TCF4: variants seen among roughly 807,000 people sequenced by gnomAD.
TCF4 encodes the protein transcription factor 4, also known as SL3-3 enhancer factor 2.
TCF4 carries 3 observed loss-of-function variants against 82.1 expected under a neutral mutation model. The observed-to-expected ratio is 0.04, with a 90% CI of 0.02 to 0.09. The LOEUF is 0.09. TCF4 is among the 10% of genes least tolerant of loss of function. TCF4 has a pLI of 1.00. For synonymous variants in TCF4, 276 were observed against 309.6 expected (o/e 0.89, Z 1.14); for missense variants, 518 against 852.7 (o/e 0.61, Z 4.89).
At chr18:55,444,168 C>G (rs1044131594) in intron 5 of TCF4, among the ~76,000 whole-genome samples, 5 of 152,094 alleles carry the variant, frequency 3.3e-5, no homozygotes, top group Non-Finnish European at 7.3e-5. Flanking sequence ...GTATTAAGTC[C>G]CATTCTACAC....
intron 5 of TCF4, among the ~76,000 whole-genome samples, chr18:55,448,005 T>TGG (rs201980586): frequency 1.2e-5 from 1 of 83,118 alleles, no homozygotes; most frequent in Non-Finnish European, 2.4e-5. Context: ...GGGGATGATA[T>TGG]GGGGGGGGAG....
chr18:55,607,636 C>T (rs976143305), intron 2 of TCF4, among the ~76,000 whole-genome samples: 6 of 152,152 alleles, frequency 3.9e-5, no homozygotes, highest in African/African-American at 7.2e-5. Flanking sequence ...ACTGTTCACA[C>T]GTTCCATTTT....
intron 8 of TCF4, chr18:55,320,927 G>T (rs931833773): frequency 6.6e-6 from 1 of 152,448 alleles, no homozygotes; most frequent in Admixed American, 6.6e-5. Flanking sequence ...TTCTGCTGGG[G>T]TTATGCACAA....
At chr18:55,368,839 T>C (rs2145493123) in intron 6 of TCF4, among the ~76,000 whole-genome samples, 1 of 152,320 alleles carries the variant, frequency 6.6e-6, no homozygotes, top group East Asian at 1.9e-4. Context: ...GATTCAAACA[T>C]GCCAGCTGTA....
chr18:55,323,478 A>T (rs750421002), intron 8 of TCF4, among the ~76,000 whole-genome samples: 16 of 152,154 alleles, frequency 1.1e-4, no homozygotes, highest in Admixed American at 5.9e-4. Context: ...CACACCGCAC[A>T]TCCACACACA....
intron 6 of TCF4, among the ~76,000 whole-genome samples, chr18:55,364,881 C>T (rs1031432488): frequency 9.2e-5 from 14 of 152,048 alleles, no homozygotes; most frequent in Middle Eastern, 6.8e-3. Flanking sequence ...TATATAAGGG[C>T]TGGGCATGGT....
chr18:55,533,213 C>T (rs768831364), intron 3 of TCF4, among the ~76,000 whole-genome samples: 1 of 152,162 alleles, frequency 6.6e-6, no homozygotes, highest in Non-Finnish European at 1.5e-5. Context: ...AAACCAGCCT[C>T]CCAGGGAGCG....
intron 6 of TCF4, among the ~76,000 whole-genome samples, chr18:55,398,623 G>A (rs1321385881): frequency 6.6e-6 from 1 of 152,154 alleles, no homozygotes; most frequent in Non-Finnish European, 1.5e-5. Flanking sequence ...ACTTTTTTGG[G>A]AGAGTGCAGT....
At chr18:55,293,133 C>T (rs897971079) in intron 8 of TCF4, among the ~76,000 whole-genome samples, 2 of 151,844 alleles carry the variant, frequency 1.3e-5, no homozygotes, top group Non-Finnish European at 2.9e-5. Flanking sequence ...GTGACTTTCA[C>T]CTCAATTAAA....
chr18:55,628,422 TA>T (rs1398062839), intron 2 of TCF4, among the ~76,000 whole-genome samples: 1 of 152,174 alleles, frequency 6.6e-6, no homozygotes, highest in Non-Finnish European at 1.5e-5. Context: ...TAATTCTTTT[TA>T]AAAAAACTTT....
chr18:55,306,271 C>A (rs1054839970), intron 8 of TCF4, among the ~76,000 whole-genome samples: 1 of 151,998 alleles, frequency 6.6e-6, no homozygotes, highest in African/African-American at 2.4e-5. Flanking sequence ...ATTTAGCATG[C>A]CTTTGAATTG....
chr18:55,443,434 C>A (rs970007516), intron 5 of TCF4, among the ~76,000 whole-genome samples: 5 of 152,204 alleles, frequency 3.3e-5, no homozygotes, highest in Non-Finnish European at 7.3e-5. Context: ...TTTCACATAA[C>A]CTTCAGCACC....
intron 11 of TCF4, chr18:55,267,732 C>T (rs576177507): frequency 3.3e-5 from 5 of 152,164 alleles, no homozygotes; most frequent in African/African-American, 1.2e-4. Context: ...TCTCATTCCG[C>T]TAGTGGATTT....
intron 6 of TCF4, among the ~76,000 whole-genome samples, chr18:55,376,579 G>A (rs951054210): frequency 1.3e-5 from 2 of 152,108 alleles, no homozygotes. Context: ...CAAAGAGGAG[G>A]TGCCATTTCT....
chr18:55,280,101 G>C (rs755887486), intron 8 of TCF4, among the ~76,000 whole-genome samples: 4 of 152,130 alleles, frequency 2.6e-5, no homozygotes, highest in Non-Finnish European at 5.9e-5. Flanking sequence ...TTACAGAGAG[G>C]AGGTAGGGAG....
intron 6 of TCF4, chr18:55,401,209 T>C (rs1215084844): frequency 3.3e-6 from 4 of 1,206,524 alleles, no homozygotes; most frequent in Non-Finnish European, 2.1e-6. Flanking sequence ...CAGAAATTCA[T>C]ACTCTGTACA....
At position 55,534,027 on chromosome 18, in the gene TCF4, T is replaced by C. The variant is rs118047188; in HGVS notation, c.145+51253A>G. On this transcript the variant is annotated intron_variant, in intron 3 of 19. Coordinates refer to ENST00000354452, the MANE Select transcript of TCF4 (RefSeq NM_001083962.2). ...ATATTTGCATATACATGAGGCAACTTTGGGGTGAGAACCAAGTTTCAACAT... is the reference window on the plus strand; with the variant it reads ...ATATTTGCATATACATGAGGCAACTCTGGGGTGAGAACCAAGTTTCAACAT... 9.8e-5 allele frequency among the ~76,000 whole-genome samples: 15 copies of C among 152,342 alleles called. No homozygotes were observed. In the East Asian group the frequency reaches 2.5e-3, roughly 26 times the overall value.
intron 3 of TCF4, among the ~76,000 whole-genome samples, chr18:55,512,546 G>C (rs1190608752): frequency 6.6e-6 from 1 of 152,094 alleles, no homozygotes; most frequent in Non-Finnish European, 1.5e-5. Flanking sequence ...ATATATGTGT[G>C]TATGTGCATA....
At chr18:55,568,375 A>G (rs919278345) in intron 3 of TCF4, among the ~76,000 whole-genome samples, 1 of 151,780 alleles carries the variant, frequency 6.6e-6, no homozygotes, top group African/African-American at 2.4e-5. Flanking sequence ...ATGAAAAATG[A>G]AAATTATGGA....
Sources: gnomAD v4.1 joint callset for allele counts (sites outside exome capture counted in the v4.1 genomes callset) on GRCh38, gnomAD v4.1.1 for gene constraint, MANE v1.5 for transcripts, NCBI Gene and HGNC (gene_info 2026-07-23, HGNC 2026-07-21) for gene names.